LAMA1: variants seen among roughly 807,000 people sequenced by gnomAD.
The protein encoded by LAMA1 is laminin subunit alpha-1.
In LAMA1, 219 loss-of-function variants were observed where a neutral mutation model predicts 348.7. That is an observed-to-expected ratio of 0.63 (90% CI 0.56 to 0.70). The LOEUF (loss-of-function observed/expected upper bound fraction) is 0.70. Ranked by LOEUF, LAMA1 falls within the 30% of genes least tolerant of loss-of-function variation. LAMA1 has a pLI of 0.00. For missense variants in LAMA1, 3,744 were observed against 3,888.0 expected (o/e 0.96, Z 0.99); for synonymous variants, 1,487 against 1,491.0 (o/e 1.00, Z 0.06).
At chr18:7,089,202 G>A (rs2058229691) in intron 1 of LAMA1, among the ~76,000 whole-genome samples, 1 of 151,952 alleles carries the variant, frequency 6.6e-6, no homozygotes, top group African/African-American at 2.4e-5. Context: ...AGATGATGGT[G>A]AACCTCATCT....
intron 42 of LAMA1, among the ~76,000 whole-genome samples, chr18:6,979,898 C>CA (rs1600368656): frequency 6.6e-6 from 1 of 152,136 alleles, no homozygotes; most frequent in Non-Finnish European, 1.5e-5. Flanking sequence ...GACTCTGTCT[C>CA]AAAAAATGTG....
intron 22 of LAMA1, 145 bp downstream of exon 22, chr18:7,015,577 G>T: frequency 1.0e-6 from 1 of 989,164 alleles, no homozygotes; most frequent in Non-Finnish European, 1.5e-6. Flanking sequence ...ACTGTGCCTG[G>T]CCCACATTGA....
chr18:6,963,286 AG>A (rs929666435), intron 51 of LAMA1, among the ~76,000 whole-genome samples: 3 of 152,166 alleles, frequency 2.0e-5, no homozygotes, highest in Admixed American at 6.5e-5. Context: ...CAGATGTACT[AG>A]GACATAGCCG....
At chr18:7,032,854 A>C (rs1375266330) in intron 15 of LAMA1, 130 bp downstream of exon 15, 3 of 736,878 alleles carry the variant, frequency 4.1e-6, no homozygotes, top group Non-Finnish European at 7.2e-6. Flanking sequence ...TCTATTGCCC[A>C]AAAAAGACTG....
chr18:6,952,318 A>G (rs1345349405), intron 57 of LAMA1, among the ~76,000 whole-genome samples: 2 of 152,204 alleles, frequency 1.3e-5, no homozygotes, highest in African/African-American at 4.8e-5. Flanking sequence ...AGGGGTCTCG[A>G]GTAACTCTCT....
intron 1 of LAMA1, among the ~76,000 whole-genome samples, chr18:7,116,906 A>G (rs1040825976): frequency 2.0e-5 from 3 of 151,456 alleles, no homozygotes; most frequent in Admixed American, 6.6e-5. Context: ...TCTCTTCTCA[A>G]TCCTTGCAAC....
chr18:7,098,391 C>T (rs542361406), intron 1 of LAMA1, among the ~76,000 whole-genome samples: 213 of 147,732 alleles, frequency 1.4e-3, no homozygotes, highest in Admixed American at 2.9e-3. Flanking sequence ...CGCCATCCCA[C>T]CTAGGAAGTG....
Position 6,959,343 on chromosome 18 carries a change from C to T in LAMA1, c.7776G>A (p.Arg2592=). The change falls in exon 54 of 63, where the codon CGG becomes CGA. Residue 2592 remains arginine, a splice_region_variant and synonymous_variant. Coordinates refer to ENST00000389658, the MANE Select transcript of LAMA1 (RefSeq NM_005559.4). ...QAHSISLVRN[R]RIITVQLDEN... is the part of the protein sequence containing the mutation. ...ACTGCCTGGCCGCGTGCAAGTACCT[C>T]CGATTCCTGACCAAGGAGATGGAAT... The T allele has an allele frequency of 2.5e-6, 4 of 1,614,122 alleles. No individual in the cohort carries two copies. Among genetic ancestry groups the T allele is most frequent in the Non-Finnish European group, 2.5e-6 (3 of 1,180,030 alleles).
chr18:7,028,204 C>T (rs1197998801), intron 16 of LAMA1, among the ~76,000 whole-genome samples: 3 of 152,148 alleles, frequency 2.0e-5, no homozygotes, highest in Non-Finnish European at 2.9e-5. Context: ...ATCTGTGGAT[C>T]AATGTCACGT....
At chr18:7,036,713 T>C (rs2057996528) in intron 12 of LAMA1, among the ~76,000 whole-genome samples, 1 of 152,034 alleles carries the variant, frequency 6.6e-6, no homozygotes, top group Non-Finnish European at 1.5e-5. Flanking sequence ...GGATTATAAT[T>C]TGAGAAAAAA....
rs578071786 is a variant in LAMA1 at position 6,997,738 on chromosome 18, C to A, written c.4806+4G>T. 2.5e-6 allele frequency: 4 copies of A among 1,612,736 alleles called. No homozygotes were observed. The South Asian group carries it at 4.4e-5, about 18-fold the overall frequency. ...CTGTTCATCTCTGTATTTCCAGTAC[C>A]TACCTGGAGATATTTAGTTGTATTT... On this transcript the variant is annotated splice_donor_region_variant and intron_variant, in intron 33 of 62. Transcript: ENST00000389658.
chr18:7,042,984 T>C lies in LAMA1; in HGVS notation c.1155+243A>G, dbSNP rs953710257. On this transcript the variant is annotated intron_variant, in intron 8 of 62. Transcript: ENST00000389658. ...ATTTTCACATCTGTAGTTAGTATTA[T>C]GACCCAGGATTACATAGCTAATGGA... The C allele has an allele frequency of 5.6e-6, 3 of 535,636 alleles. No individual in the cohort carries two copies. In the African/African-American group the frequency reaches 5.7e-5, roughly 10 times the overall value. The allele number at this position is 535,636 out of a possible 1,614,324, so 33.2% of individuals were successfully genotyped here.
intron 17 of LAMA1, among the ~76,000 whole-genome samples, chr18:7,025,615 T>C (rs1392243775): frequency 1.3e-5 from 2 of 152,206 alleles, no homozygotes; most frequent in African/African-American, 4.8e-5. Context: ...TTTTGGTCAT[T>C]AGATCAAAAA....
chr18:6,997,151 C>A (rs1049038805), intron 33 of LAMA1, among the ~76,000 whole-genome samples: 1 of 151,386 alleles, frequency 6.6e-6, no homozygotes, highest in Non-Finnish European at 1.5e-5. Context: ...GCAACCTCCA[C>A]CTCCCAGGTT....
intron 40 of LAMA1, among the ~76,000 whole-genome samples, chr18:6,982,791 C>T (rs78185564): frequency 4.6e-5 from 7 of 152,034 alleles, no homozygotes. Flanking sequence ...AGGAAACCAG[C>T]CATTCAATAA....
rs557585224 is a variant in LAMA1 at position 7,115,814 on chromosome 18, C to CAAA, written c.61+1843_61+1845dup. ...TGAAACCCTGTCTCCACTAAAAATA[C>CAAA]AAAAAAAAAAAAAAAAAAATAGCCG... On this transcript the variant is annotated intron_variant, in intron 1 of 62. Transcript: ENST00000389658. 3.3e-3 allele frequency among the ~76,000 whole-genome samples: 315 copies of CAAA among 94,804 alleles called. 4 individuals are homozygous for CAAA. Among genetic ancestry groups the CAAA allele is most frequent in the African/African-American group, 9.1e-3 (257 of 28,270 alleles). The allele number at this position is 94,804 out of a possible 152,430, so 62.2% of individuals were successfully genotyped here. A position where few individuals can be genotyped will look rare whatever the true frequency, so the allele number is the denominator to read the frequency against.
At chr18:6,975,284 C>T (rs1293000767) in intron 45 of LAMA1, among the ~76,000 whole-genome samples, 4 of 152,172 alleles carry the variant, frequency 2.6e-5, no homozygotes, top group Non-Finnish European at 4.4e-5. Context: ...TCAATGTCTC[C>T]CACAGAGTCC....
chr18:6,961,451 A>T, intron 53 of LAMA1, 135 bp downstream of exon 53: 1 of 969,170 alleles, frequency 1.0e-6, no homozygotes, highest in Non-Finnish European at 1.6e-6. Context: ...AATAACTTTT[A>T]CTTATTGAAA....
At chr18:7,007,339 A>G in intron 28 of LAMA1, 63 bp from the exon 29 acceptor site, 1 of 1,521,876 alleles carries the variant, frequency 6.6e-7, no homozygotes, top group South Asian at 1.2e-5. Context: ...GGACTTGAAT[A>G]GACACTTCTC....
Sources: gnomAD v4.1 joint callset for allele counts (sites outside exome capture counted in the v4.1 genomes callset) on GRCh38, gnomAD v4.1.1 for gene constraint, MANE v1.5 for transcripts, NCBI Gene and HGNC (gene_info 2026-07-23, HGNC 2026-07-21) for gene names.